The following WWOX variants were observed in gnomAD, a reference collection of about 807,000 sequenced individuals.
WWOX encodes WW domain-containing oxidoreductase.
WWOX carries 69 observed loss-of-function variants against 46.2 expected under a neutral mutation model. The ratio of observed to expected loss-of-function variants is 1.49; its 90% CI spans 1.23 to 1.82. The LOEUF is 1.82. Among genes scored for constraint, WWOX ranks in the 40% most tolerant of loss-of-function variants. The pLI, the probability that WWOX is intolerant of heterozygous loss-of-function variation, is 0.00. For missense variants in WWOX, 919 were observed against 542.6 expected (o/e 1.69, Z -6.89); for synonymous variants, 359 against 202.6 (o/e 1.77, Z -6.56).
chr16:78,100,602 A>G (rs545928308), intron 1 of WWOX, among the ~76,000 whole-genome samples: 1 of 152,304 alleles, frequency 6.6e-6, no homozygotes, highest in East Asian at 1.9e-4. Flanking sequence ...ATTTCCTGGG[A>G]AAGTTTTGGA....
chr16:78,354,816 A>T (rs2151908806), intron 5 of WWOX, among the ~76,000 whole-genome samples: 1 of 151,992 alleles, frequency 6.6e-6, no homozygotes, highest in Non-Finnish European at 1.5e-5. Flanking sequence ...GATATTTTTG[A>T]TTAAATTTTC....
At chr16:79,144,638 C>A (rs1214694842) in intron 8 of WWOX, among the ~76,000 whole-genome samples, 6 of 152,182 alleles carry the variant, frequency 3.9e-5, no homozygotes, top group Non-Finnish European at 8.8e-5. Flanking sequence ...AAAAACCCGA[C>A]TTTTGACTTT....
chr16:78,594,462 G>A (rs1776738581), intron 8 of WWOX, among the ~76,000 whole-genome samples: 2 of 80,720 alleles, frequency 2.5e-5, no homozygotes, highest in African/African-American at 5.8e-5. Context: ...TTGTCCCGTT[G>A]TCTCTTGGCT....
rs548159429 is a variant in WWOX, at chr16:78,579,602, A to G, written c.1056+146850A>G. 2.0e-5 allele frequency among the ~76,000 whole-genome samples: 3 copies of G among 152,338 alleles called. No homozygotes were observed. In the East Asian group the frequency reaches 5.8e-4, roughly 29 times the overall value. On this transcript the variant is annotated intron_variant, in intron 8 of 8. Transcript: ENST00000566780. Reference sequence around the variant, plus strand: ...TTCTAATTAAGAAACAGAAGCCAGGAAACTCCTGTACTTCAAGGTTTTGGA... The same window carrying G: ...TTCTAATTAAGAAACAGAAGCCAGGGAACTCCTGTACTTCAAGGTTTTGGA...
At chr16:78,977,624 A>C (rs1362226204) in intron 8 of WWOX, among the ~76,000 whole-genome samples, 1 of 152,052 alleles carries the variant, frequency 6.6e-6, no homozygotes, top group Non-Finnish European at 1.5e-5. Context: ...GAGGAGATAG[A>C]AGAAGGAAAA....
intron 8 of WWOX, among the ~76,000 whole-genome samples, chr16:78,783,887 GTGA>G (rs112486785): frequency 3.3e-5 from 5 of 151,086 alleles, no homozygotes; most frequent in Non-Finnish European, 7.4e-5. Flanking sequence ...GATGATAATG[GTGA>G]TGATGGTGAT....
chr16:78,679,487 G>A (rs2047679931), intron 8 of WWOX, among the ~76,000 whole-genome samples: 1 of 152,094 alleles, frequency 6.6e-6, no homozygotes, highest in Non-Finnish European at 1.5e-5. Context: ...GGGGGCAGAG[G>A]TTGCAGTGAG....
intron 8 of WWOX, among the ~76,000 whole-genome samples, chr16:79,100,633 G>A (rs994300380): frequency 3.3e-5 from 5 of 152,088 alleles, no homozygotes; most frequent in Admixed American, 6.5e-5. Flanking sequence ...GACAGGCCGC[G>A]TTGCAATTTT....
chr16:78,346,007 C>G (rs2081088431), intron 5 of WWOX, among the ~76,000 whole-genome samples: 1 of 120,954 alleles, frequency 8.3e-6, no homozygotes, highest in South Asian at 2.5e-4. Flanking sequence ...TTTCAAATGC[C>G]ACTTCTGTGG....
At chr16:78,820,974 A>G (rs12446194) in intron 8 of WWOX, among the ~76,000 whole-genome samples, 24,528 of 152,084 alleles carry the variant, frequency 0.16, 2,063 homozygotes, top group Admixed American at 0.22. Flanking sequence ...GACACCAGTC[A>G]TTGGACTTAG....
intron 8 of WWOX, among the ~76,000 whole-genome samples, chr16:78,989,367 C>T (rs2046840250): frequency 6.6e-6 from 1 of 152,008 alleles, no homozygotes; most frequent in Non-Finnish European, 1.5e-5. Context: ...CCTTGGATCC[C>T]CAAGATAGAA....
At chr16:78,105,159 C>T (rs1001940230) in intron 1 of WWOX, among the ~76,000 whole-genome samples, 1 of 152,164 alleles carries the variant, frequency 6.6e-6, no homozygotes, top group Non-Finnish European at 1.5e-5. Context: ...CCAAGGCAGC[C>T]CCGCAACAAA....
At chr16:79,163,664 G>A (rs955610265) in intron 8 of WWOX, among the ~76,000 whole-genome samples, 2 of 152,044 alleles carry the variant, frequency 1.3e-5, no homozygotes, top group African/African-American at 2.4e-5. Flanking sequence ...CTGGCATAGT[G>A]GTGCATGCCT....
chr16:78,228,322 T>G (rs958206000), intron 5 of WWOX, among the ~76,000 whole-genome samples: 1 of 148,380 alleles, frequency 6.7e-6, no homozygotes, highest in Admixed American at 6.9e-5. Context: ...CATGAGTCAA[T>G]AGGAATCATA....
At chr16:78,262,210 T>C (rs1277846910) in intron 5 of WWOX, among the ~76,000 whole-genome samples, 3 of 152,134 alleles carry the variant, frequency 2.0e-5, no homozygotes, top group Non-Finnish European at 4.4e-5. Flanking sequence ...TACTTTTTAC[T>C]GCTAATGGGG....
intron 5 of WWOX, among the ~76,000 whole-genome samples, chr16:78,191,127 C>T (rs1169001014): frequency 6.6e-6 from 1 of 152,214 alleles, no homozygotes; most frequent in Non-Finnish European, 1.5e-5. Flanking sequence ...CGCTGGACCA[C>T]TGGATCCAGC....
At chr16:78,818,253 C>G (rs530452277) in intron 8 of WWOX, among the ~76,000 whole-genome samples, 1 of 152,332 alleles carries the variant, frequency 6.6e-6, no homozygotes, top group East Asian at 1.9e-4. Context: ...GAGACCTGGG[C>G]TGCACATCAG....
intron 8 of WWOX, among the ~76,000 whole-genome samples, chr16:78,799,307 C>T (rs986879045): frequency 3.9e-5 from 6 of 152,110 alleles, no homozygotes; most frequent in African/African-American, 1.2e-4. Flanking sequence ...GGAATGAAAA[C>T]CCCAGGGTAG....
At chr16:78,445,328 C>A (rs2083535256) in intron 8 of WWOX, among the ~76,000 whole-genome samples, 1 of 152,094 alleles carries the variant, frequency 6.6e-6, no homozygotes. Context: ...GATGGGTGGG[C>A]CACAAAAATC....
Sources: allele counts gnomAD v4.1 joint callset (sites outside exome capture counted in the v4.1 genomes callset), GRCh38; gene constraint gnomAD v4.1.1; transcripts MANE v1.5; gene names NCBI Gene and HGNC (gene_info 2026-07-23, HGNC 2026-07-21).